ST14: variants seen among roughly 807,000 people sequenced by gnomAD.
ST14 encodes the protein suppressor of tumorigenicity 14 protein.
ST14 carries 40 observed loss-of-function variants against 96.5 expected under a neutral mutation model. The ratio of observed to expected loss-of-function variants is 0.41; its 90% CI spans 0.32 to 0.54. The LOEUF (loss-of-function observed/expected upper bound fraction) is 0.54. Ranked by LOEUF, ST14 falls within the 20% of genes least tolerant of loss-of-function variation. The pLI, the probability that ST14 is intolerant of heterozygous loss-of-function variation, is 0.17. For synonymous variants in ST14, 506 were observed against 492.1 expected, an observed-to-expected ratio of 1.03 and a Z score of -0.37; for missense variants, 1,066 against 1,188.9, an observed-to-expected ratio of 0.90 and a Z score of 1.52.
chr11:130,189,025 G>C (rs1294513450), intron 4 of ST14, 86 bp downstream of exon 4: 1 of 1,427,568 alleles, frequency 7.0e-7, no homozygotes, highest in South Asian at 1.2e-5. Context: ...CAGGAAGCGG[G>C]AGATGGTGCT....
At chr11:130,191,111 G>A (rs550125555) in intron 7 of ST14, among the ~76,000 whole-genome samples, 1 of 152,358 alleles carries the variant, frequency 6.6e-6, no homozygotes, top group East Asian at 1.9e-4. Context: ...AGCGCTTTGG[G>A]AGGCTGAGGC....
intron 7 of ST14, among the ~76,000 whole-genome samples, chr11:130,191,427 C>T (rs559487195): frequency 2.6e-4 from 39 of 152,126 alleles, no homozygotes; most frequent in African/African-American, 6.7e-4. Context: ...TGGTGGCTCA[C>T]GCCTGTAAGC....
intron 1 of ST14, among the ~76,000 whole-genome samples, chr11:130,172,166 G>A (rs1376621122): frequency 6.6e-6 from 1 of 151,942 alleles, no homozygotes; most frequent in Non-Finnish European, 1.5e-5. Flanking sequence ...CCAAGCTGGA[G>A]TGCAGTGGCG....
At chr11:130,207,798 C>T (rs1262746198) in intron 16 of ST14, among the ~76,000 whole-genome samples, 8 of 152,184 alleles carry the variant, frequency 5.3e-5, no homozygotes, top group Admixed American at 2.0e-4. Flanking sequence ...TTGGGCTGGG[C>T]GTGGTGGCTC....
intron 1 of ST14, among the ~76,000 whole-genome samples, chr11:130,164,427 T>C (rs376611063): frequency 0.019 from 2,869 of 151,706 alleles, 42 homozygotes; most frequent in Non-Finnish European, 0.027. Context: ...ATTACTGTTT[T>C]TTTTTTTTTT....
At chr11:130,200,341 A>T (rs1953415036) in intron 16 of ST14, among the ~76,000 whole-genome samples, 1 of 152,196 alleles carries the variant, frequency 6.6e-6, no homozygotes. Flanking sequence ...TGCAGGCTGT[A>T]TAGGAAGCGT....
intron 1 of ST14, among the ~76,000 whole-genome samples, chr11:130,184,405 A>G (rs139547343): frequency 1.5e-3 from 231 of 152,340 alleles, no homozygotes; most frequent in African/African-American, 5.4e-3. Flanking sequence ...TAGAGGATCC[A>G]TTCTTATCCG....
chr11:130,195,504 C>T (rs979315374), intron 9 of ST14, among the ~76,000 whole-genome samples: 2 of 152,162 alleles, frequency 1.3e-5, no homozygotes, highest in Admixed American at 1.3e-4. Context: ...AAGAGAGTCG[C>T]CTGTCCGTGC....
chr11:130,171,315 T>C (rs1316363365), intron 1 of ST14, among the ~76,000 whole-genome samples: 3 of 152,246 alleles, frequency 2.0e-5, no homozygotes, highest in Admixed American at 6.5e-5. Context: ...TACTATTTTG[T>C]GATAAGAACA....
At position 130,193,761 on chromosome 11, in the gene ST14, C is replaced by T. The variant is rs532274768; in HGVS notation, c.876-388C>T. Reference sequence around the variant, plus strand: ...CTGGGTTTATAGGCGTGAGCCACTGCGCCCGGCTGGGTGTTGCTCTTTGAT... The same window carrying T: ...CTGGGTTTATAGGCGTGAGCCACTGTGCCCGGCTGGGTGTTGCTCTTTGAT... On this transcript the variant is annotated intron_variant, in intron 7 of 18. Coordinates refer to ENST00000278742, the MANE Select transcript of ST14 (RefSeq NM_021978.4). 8.5e-5 allele frequency among the ~76,000 whole-genome samples: 13 copies of T among 152,328 alleles called. No individual in the cohort carries two copies. The East Asian group carries it at 1.2e-3, about 14-fold the overall frequency.
At chr11:130,205,108 T>C (rs73038972) in intron 16 of ST14, among the ~76,000 whole-genome samples, 8,970 of 152,104 alleles carry the variant, frequency 0.059, 337 homozygotes, top group Middle Eastern at 0.095. Flanking sequence ...ATACAATGAA[T>C]GAAAAAAAGG....
intron 1 of ST14, among the ~76,000 whole-genome samples, chr11:130,170,325 A>G (rs1184076417): frequency 6.6e-6 from 1 of 152,064 alleles, no homozygotes; most frequent in Non-Finnish European, 1.5e-5. Flanking sequence ...AGGCTGCCTA[A>G]GTCTGGCTAT....
intron 1 of ST14, among the ~76,000 whole-genome samples, chr11:130,184,662 C>T (rs1004789164): frequency 2.0e-5 from 3 of 152,172 alleles, no homozygotes; most frequent in Non-Finnish European, 4.4e-5. Flanking sequence ...ACCCAAATCT[C>T]CACCTTGGCC....
Position 130,205,659 on chromosome 11 carries a change from A to G in ST14, c.1995-2751A>G, listed in dbSNP as rs1386443849. Among the ~76,000 whole-genome samples the G allele has an allele frequency of 8.0e-5, 12 of 150,664 alleles. No homozygotes were observed. The East Asian group carries it at 2.1e-3, about 27-fold the overall frequency. On this transcript the variant is annotated intron_variant, in intron 16 of 18. Transcript: ENST00000278742. ...TGCTGCGAGCTGACGTACGCGTCAT[A>G]AATGTCCTCCAATCATGCCCATCAT...
intron 1 of ST14, among the ~76,000 whole-genome samples, chr11:130,177,043 C>T (rs997194070): frequency 6.6e-6 from 1 of 151,574 alleles, no homozygotes; most frequent in African/African-American, 2.4e-5. Context: ...CGTGATCCAC[C>T]TGCCTTGGCC....
rs996421570 is a variant in ST14 at position 130,181,178 on chromosome 11, G to A, written c.82-6936G>A. Among the ~76,000 whole-genome samples, 9 of 151,610 alleles carry A rather than the reference G, an allele frequency of 5.9e-5. No individual in the cohort carries two copies. Among genetic ancestry groups the A allele is most frequent in the African/African-American group, 1.2e-4 (5 of 41,220 alleles). ...GGTGGGATGGTGGTGATCTGATCTCGTCCCTGCTGGGTGGGATGGTGGTCT... is the reference window on the plus strand; with the variant it reads ...GGTGGGATGGTGGTGATCTGATCTCATCCCTGCTGGGTGGGATGGTGGTCT... On this transcript the variant is annotated intron_variant, in intron 1 of 18. Coordinates refer to ENST00000278742, the MANE Select transcript of ST14 (RefSeq NM_021978.4). The surrounding 1 kb of genome is among the most constrained non-coding windows in gnomAD (Gnocchi z 4.1).
Position 130,194,851 on chromosome 11 carries a change from C to CGTGT in ST14, c.1113+114_1113+115insGTGT, listed in dbSNP as rs1555154607. The CGTGT allele has an allele frequency of 3.3e-3, 2,888 of 884,544 alleles. 48 individuals are homozygous for CGTGT. The African/African-American group carries it at 0.035, about 11-fold the overall frequency. 54.8% of individuals were successfully genotyped at this position (884,544 alleles called of 1,614,324 possible). Reference sequence around the variant, plus strand: ...GTGTGCATGTGTTTGCATATGTGTGCATGTGTGTGTGTGTGTGTGTGTGTG... The same window carrying CGTGT: ...GTGTGCATGTGTTTGCATATGTGTGCGTGTATGTGTGTGTGTGTGTGTGTGTGTG... On this transcript the variant is annotated intron_variant, in intron 9 of 18. Coordinates refer to ENST00000278742, the MANE Select transcript of ST14 (RefSeq NM_021978.4).
In ST14 at chr11:130,181,877, A is replaced by G. The variant is rs145161535; in HGVS notation, c.82-6237A>G. On this transcript the variant is annotated intron_variant, in intron 1 of 18. Coordinates refer to ENST00000278742, the MANE Select transcript of ST14 (RefSeq NM_021978.4). The surrounding 1 kb of genome is among the most constrained non-coding windows in gnomAD (Gnocchi z 4.1). ...CAGCACTTTTAGGCTGGGTGGAGCCACAGAACTCACACTGCAGGGAGGACA... is the reference window on the plus strand; with the variant it reads ...CAGCACTTTTAGGCTGGGTGGAGCCGCAGAACTCACACTGCAGGGAGGACA... Among the ~76,000 whole-genome samples the G allele has an allele frequency of 1.3e-5, 2 of 152,376 alleles. No homozygotes were observed. Among genetic ancestry groups the G allele is most frequent in the Admixed American group, 1.3e-4 (2 of 15,306 alleles).
At position 130,191,518 on chromosome 11, in the gene ST14, T is replaced by C. The variant is rs192837633; in HGVS notation, c.875+824T>C. On this transcript the variant is annotated intron_variant, in intron 7 of 18. Transcript: ENST00000278742. ...CAGTCAAGCCAACCTGGTGAAACCCTGTCTCTACTAAAAATACAAAAATCA... is the reference window on the plus strand; with the variant it reads ...CAGTCAAGCCAACCTGGTGAAACCCCGTCTCTACTAAAAATACAAAAATCA... Among the ~76,000 whole-genome samples the C allele has an allele frequency of 7.9e-3, 1,192 of 151,836 alleles. 15 individuals carry two copies. The highest frequency in any genetic ancestry group is 0.027 in the African/African-American group (1,123 of 41,392).
Sources: gnomAD v4.1 joint callset for allele counts (sites outside exome capture counted in the v4.1 genomes callset) on GRCh38, gnomAD v4.1.1 for gene constraint, Gnocchi (gnomAD v3.1) non-coding constraint, MANE v1.5 for transcripts, NCBI Gene and HGNC (gene_info 2026-07-23, HGNC 2026-07-21) for gene names.